GALNT14: variants seen among roughly 807,000 people sequenced by gnomAD.
The protein encoded by GALNT14 is UDP-GalNAc:polypeptide N-acetylgalactosaminyltransferase 14.
A neutral mutation model predicts 77.5 loss-of-function variants in GALNT14; 60 were observed. The ratio of observed to expected loss-of-function variants is 0.77; its 90% CI spans 0.63 to 0.96. The LOEUF is 0.96. Ranked by LOEUF, GALNT14 falls within the 40% of genes least tolerant of loss-of-function variation. GALNT14 has a pLI of 0.00. For missense variants in GALNT14, 710 were observed against 731.0 expected, an observed-to-expected ratio of 0.97 and a Z score of 0.33; for synonymous variants, 280 against 281.7, an observed-to-expected ratio of 0.99 and a Z score of 0.06.
At chr2:30,913,221 G>C (rs1194930049) in intron 13 of GALNT14, among the ~76,000 whole-genome samples, 1 of 152,092 alleles carries the variant, frequency 6.6e-6, no homozygotes, top group Non-Finnish European at 1.5e-5. Flanking sequence ...TGTAAAATAA[G>C]GTAATATTTA....
intron 9 of GALNT14, among the ~76,000 whole-genome samples, chr2:30,933,171 G>A (rs1181622423): frequency 6.6e-6 from 1 of 152,328 alleles, no homozygotes; most frequent in East Asian, 1.9e-4. Flanking sequence ...CAGAATGACT[G>A]TGAGTGTTAT....
intron 3 of GALNT14, among the ~76,000 whole-genome samples, chr2:30,962,184 T>C (rs151059009): frequency 1.3e-3 from 198 of 152,322 alleles, no homozygotes; most frequent in Middle Eastern, 6.8e-3. Flanking sequence ...CCAAGTCCTT[T>C]CCCTATCTGA....
At chr2:31,061,240 A>G (rs566313668) in intron 1 of GALNT14, among the ~76,000 whole-genome samples, 1 of 152,170 alleles carries the variant, frequency 6.6e-6, no homozygotes, top group South Asian at 2.1e-4. Context: ...CCCAACTCCA[A>G]TTTCAACAGC....
At chr2:30,946,989 T>C (rs887107768) in intron 6 of GALNT14, among the ~76,000 whole-genome samples, 3 of 152,174 alleles carry the variant, frequency 2.0e-5, no homozygotes, top group Admixed American at 6.5e-5. Context: ...CCTATTTCTG[T>C]TAACAGAATC....
intron 4 of GALNT14, among the ~76,000 whole-genome samples, chr2:30,956,540 G>A (rs974019836): frequency 3.9e-5 from 6 of 152,074 alleles, no homozygotes; most frequent in East Asian, 1.9e-4. Context: ...ACGGAATCTC[G>A]CTGTCGCCCA....
intron 1 of GALNT14, among the ~76,000 whole-genome samples, chr2:31,022,228 C>T (rs534251294): frequency 1.7e-4 from 26 of 152,298 alleles, no homozygotes; most frequent in Admixed American, 8.5e-4. Context: ...ACTTGATTTT[C>T]TCAGAAGAAA....
At chr2:31,089,500 G>GTTTCTGGAGACGGACACGT (rs1321639755) in intron 1 of GALNT14, among the ~76,000 whole-genome samples, 4 of 152,102 alleles carry the variant, frequency 2.6e-5, no homozygotes, top group Admixed American at 6.5e-5. Flanking sequence ...CAGAACTATT[G>GTTTCTGGAGACGGACACGT]TTTCTGGAGA....
intron 1 of GALNT14, among the ~76,000 whole-genome samples, chr2:31,051,699 G>A (rs1005362008): frequency 7.2e-5 from 11 of 152,128 alleles, no homozygotes; most frequent in African/African-American, 2.7e-4. Flanking sequence ...GGAGATCATG[G>A]GCAGGGATCA....
intron 2 of GALNT14, chr2:30,986,848 C>T (rs898435761): frequency 6.6e-6 from 1 of 152,200 alleles, no homozygotes; most frequent in Non-Finnish European, 1.5e-5. Context: ...GAAATGAAGT[C>T]TCTCCTCTGT....
intron 13 of GALNT14, among the ~76,000 whole-genome samples, chr2:30,913,658 G>A (rs1664504745): frequency 6.6e-6 from 1 of 152,142 alleles, no homozygotes; most frequent in African/African-American, 2.4e-5. Context: ...AATGACGCCT[G>A]GCTCTCTTGA....
At chr2:30,939,651 G>A (rs1165691914) in intron 9 of GALNT14, among the ~76,000 whole-genome samples, 1 of 152,184 alleles carries the variant, frequency 6.6e-6, no homozygotes, top group Non-Finnish European at 1.5e-5. Flanking sequence ...GTACAATAGA[G>A]ATGGAGGACC....
chr2:30,988,353 G>C (rs781020249), intron 2 of GALNT14, among the ~76,000 whole-genome samples: 2 of 152,208 alleles, frequency 1.3e-5, no homozygotes, highest in African/African-American at 2.4e-5. Context: ...CAAGGAACCA[G>C]AAGTCCAGAG....
chr2:31,125,945 T>C (rs914495363), intron 1 of GALNT14, among the ~76,000 whole-genome samples: 2 of 152,228 alleles, frequency 1.3e-5, no homozygotes, highest in Admixed American at 1.3e-4. Context: ...TTAATCAGTC[T>C]TCAGGTATTC....
At chr2:31,122,481 G>C (rs79511964) in intron 1 of GALNT14, among the ~76,000 whole-genome samples, 5 of 152,188 alleles carry the variant, frequency 3.3e-5, no homozygotes, top group Admixed American at 6.5e-5. Flanking sequence ...CAGGCTTTTC[G>C]TGAGCAAGCA....
At chr2:30,958,527 C>T (rs1456789574) in intron 3 of GALNT14, 63 bp from the exon 4 acceptor site, 15 of 1,334,786 alleles carry the variant, frequency 1.1e-5, no homozygotes, top group African/African-American at 7.2e-5. Flanking sequence ...TGTACTAACC[C>T]GAGTTTTAAA....
chr2:30,888,170 T>G, the GALNT14 span, among the ~76,000 whole-genome samples: 1 of 152,162 alleles, frequency 6.6e-6, no homozygotes, highest in Non-Finnish European at 1.5e-5. Flanking sequence ...CCAGCCCCAT[T>G]CCTGTCATAG....
intron 1 of GALNT14, among the ~76,000 whole-genome samples, chr2:31,001,470 G>T (rs921802269): frequency 6.6e-5 from 10 of 152,144 alleles, no homozygotes; most frequent in African/African-American, 2.4e-4. Context: ...AGCTAAACCT[G>T]AGTCTTCTGT....
At chr2:30,936,877 C>G (rs1285570896) in intron 9 of GALNT14, among the ~76,000 whole-genome samples, 1 of 152,182 alleles carries the variant, frequency 6.6e-6, no homozygotes, top group East Asian at 1.9e-4. Flanking sequence ...CAGGTGACAC[C>G]TTTATCTTTC....
intron 1 of GALNT14, among the ~76,000 whole-genome samples, chr2:31,087,049 G>A (rs1195553668): frequency 6.6e-6 from 1 of 152,186 alleles, no homozygotes; most frequent in African/African-American, 2.4e-5. Context: ...AGATAGAATG[G>A]TAGAAGGCTT....
Sources: gnomAD v4.1 joint callset for allele counts (sites outside exome capture counted in the v4.1 genomes callset) on GRCh38, gnomAD v4.1.1 for gene constraint, MANE v1.5 for transcripts, NCBI Gene and HGNC (gene_info 2026-07-23, HGNC 2026-07-21) for gene names.